Variants in KCNQ3 observed in about 807,000 individuals in gnomAD.
The protein encoded by KCNQ3 is potassium voltage-gated channel subfamily KQT member 3.
A neutral mutation model predicts 92.5 loss-of-function variants in KCNQ3; 30 were observed. The ratio of observed to expected loss-of-function variants is 0.32; its 90% confidence interval spans 0.24 to 0.44. The LOEUF (loss-of-function observed/expected upper bound fraction) is 0.44. KCNQ3 is among the 20% of genes least tolerant of loss of function. The probability of loss-of-function intolerance (pLI) is 1.00; values close to 1 mark genes in which losing one functional copy is unlikely to be tolerated. For synonymous variants in KCNQ3, 450 were observed against 468.8 expected (o/e 0.96, Z 0.52); for missense variants, 913 against 1,140.3 (o/e 0.80, Z 2.87).
intron 1 of KCNQ3, among the ~76,000 whole-genome samples, chr8:132,238,185 A>T (rs1814876298): frequency 6.6e-6 from 1 of 152,072 alleles, no homozygotes; most frequent in South Asian, 2.1e-4. Context: ...CTAAGAACAG[A>T]CTCGGCGGAG....
chr8:132,366,961 A>C (rs530009029), intron 1 of KCNQ3, among the ~76,000 whole-genome samples: 1 of 152,322 alleles, frequency 6.6e-6, no homozygotes, highest in South Asian at 2.1e-4. Flanking sequence ...TAATTGCTTC[A>C]TAAAAAAAAC....
chr8:132,341,838 T>TC (rs1484396961), intron 1 of KCNQ3, among the ~76,000 whole-genome samples: 1 of 152,210 alleles, frequency 6.6e-6, no homozygotes, highest in Non-Finnish European at 1.5e-5. Context: ...CTCTCAGGCA[T>TC]CCATGCAGTT....
chr8:132,129,643 C>T lies in KCNQ3; in HGVS notation c.2238G>A (p.Thr746=), dbSNP rs769350034. The change falls in exon 15 of 15, where the codon ACG becomes ACA. Residue 746 remains threonine (T), a synonymous_variant. Coordinates refer to ENST00000388996, the MANE Select transcript of KCNQ3 (RefSeq NM_004519.4). This position sits in a 1 kb window ranked among gnomAD's most constrained non-coding sequence, Gnocchi z 5.9. ...CGAGAAGAGTCAAGATAGGCAGGAC[C>T]GTGGGCCTCTCCACATACGTTGTTG... ...SSATTYVERP[T]VLPILTLLDS... 1.2e-5 allele frequency: 20 copies of T among 1,614,094 alleles called. No homozygotes were observed. Among genetic ancestry groups the T allele is most frequent in the East Asian group, 4.5e-5 (2 of 44,854 alleles).
intron 1 of KCNQ3, among the ~76,000 whole-genome samples, chr8:132,399,986 C>A (rs190076590): frequency 3.3e-5 from 5 of 152,138 alleles, no homozygotes; most frequent in African/African-American, 1.2e-4. Context: ...TGGACAACAA[C>A]CTACCGGGTG....
chr8:132,399,478 T>C (rs1201577241), intron 1 of KCNQ3, among the ~76,000 whole-genome samples: 1 of 152,154 alleles, frequency 6.6e-6, no homozygotes, highest in African/African-American at 2.4e-5. Flanking sequence ...TCATTTTGTA[T>C]GTGAGGCCCA....
intron 1 of KCNQ3, among the ~76,000 whole-genome samples, chr8:132,451,094 G>C (rs932814885): frequency 1.3e-5 from 2 of 152,154 alleles, no homozygotes; most frequent in Non-Finnish European, 2.9e-5. Flanking sequence ...GGAGGGACCC[G>C]GTGGGAGGTA....
chr8:132,169,893 G>A (rs1420533890), intron 8 of KCNQ3, among the ~76,000 whole-genome samples: 1 of 151,822 alleles, frequency 6.6e-6, no homozygotes, highest in Non-Finnish European at 1.5e-5. Context: ...TTTGAGAAAG[G>A]GTCTCACGCT....
At chr8:132,335,751 A>G (rs1818352775) in intron 1 of KCNQ3, among the ~76,000 whole-genome samples, 1 of 152,230 alleles carries the variant, frequency 6.6e-6, no homozygotes, top group African/African-American at 2.4e-5. Context: ...GTATCAGGCT[A>G]TGGGGTATGC....
chr8:132,344,061 C>A (rs1424354828), intron 1 of KCNQ3, among the ~76,000 whole-genome samples: 3 of 152,104 alleles, frequency 2.0e-5, no homozygotes, highest in South Asian at 2.1e-4. Context: ...GGTGAGAAAT[C>A]CAGGCTTCTT....
chr8:132,145,787 T>C (rs1825431629), intron 9 of KCNQ3, among the ~76,000 whole-genome samples: 1 of 152,214 alleles, frequency 6.6e-6, no homozygotes, highest in South Asian at 2.1e-4. Context: ...GGAAGGCATC[T>C]TGAGTAAATG....
At chr8:132,190,715 T>C (rs1290391326) in intron 1 of KCNQ3, among the ~76,000 whole-genome samples, 1 of 152,242 alleles carries the variant, frequency 6.6e-6, no homozygotes, top group East Asian at 1.9e-4. Context: ...TTAAGCCATG[T>C]TCATACTCTT....
intron 1 of KCNQ3, among the ~76,000 whole-genome samples, chr8:132,317,270 G>A (rs963103897): frequency 1.3e-5 from 2 of 152,102 alleles, no homozygotes; most frequent in Non-Finnish European, 2.9e-5. Context: ...GACCCCATTT[G>A]TTTATAGTGA....
chr8:132,306,645 G>T (rs973946785), intron 1 of KCNQ3, among the ~76,000 whole-genome samples: 2 of 152,226 alleles, frequency 1.3e-5, no homozygotes, highest in South Asian at 2.1e-4. Flanking sequence ...TAGGAAGCAG[G>T]CAAGCTAGCA....
At chr8:132,212,179 C>T (rs753477536) in intron 1 of KCNQ3, among the ~76,000 whole-genome samples, 34 of 152,028 alleles carry the variant, frequency 2.2e-4, no homozygotes, top group Admixed American at 9.8e-4. Context: ...TTATATTTGA[C>T]TCATCACACA....
At chr8:132,377,879 G>C (rs1208563454) in intron 1 of KCNQ3, among the ~76,000 whole-genome samples, 6 of 152,088 alleles carry the variant, frequency 3.9e-5, no homozygotes, top group Non-Finnish European at 7.4e-5. Context: ...AGAGCATTTG[G>C]AACTCAAGAA....
intron 1 of KCNQ3, among the ~76,000 whole-genome samples, chr8:132,442,748 C>A (rs1821570524): frequency 6.6e-6 from 1 of 152,178 alleles, no homozygotes; most frequent in African/African-American, 2.4e-5. Flanking sequence ...GGCAGAAAAA[C>A]CACTCCCACA....
intron 14 of KCNQ3, among the ~76,000 whole-genome samples, chr8:132,131,699 G>T: frequency 6.6e-6 from 1 of 152,122 alleles, no homozygotes; most frequent in Non-Finnish European, 1.5e-5. Context: ...TAACTTGCAC[G>T]TGATCACTCA....
At chr8:132,181,168 A>T (rs549831888) in intron 3 of KCNQ3, among the ~76,000 whole-genome samples, 6 of 152,180 alleles carry the variant, frequency 3.9e-5, no homozygotes, top group Non-Finnish European at 7.3e-5. Flanking sequence ...AGGGGATGAG[A>T]CACTTCTGAG....
At chr8:132,147,240 G>A (rs1159750317) in intron 9 of KCNQ3, among the ~76,000 whole-genome samples, 1 of 152,150 alleles carries the variant, frequency 6.6e-6, no homozygotes, top group East Asian at 1.9e-4. Flanking sequence ...TCCCTGACGG[G>A]TTCTAGATGG....
Sources: allele counts gnomAD v4.1 joint callset (sites outside exome capture counted in the v4.1 genomes callset), GRCh38; gene constraint gnomAD v4.1.1; non-coding constraint Gnocchi (gnomAD v3.1); transcripts MANE v1.5; gene names NCBI Gene and HGNC (gene_info 2026-07-23, HGNC 2026-07-21).